EPHA5: variants seen among roughly 807,000 people sequenced by gnomAD.
EPHA5 encodes the protein ephrin type-A receptor 5.
In EPHA5, 60 loss-of-function variants were observed where a neutral mutation model predicts 105.0. The ratio of observed to expected loss-of-function variants is 0.57; its 90% CI spans 0.46 to 0.71. EPHA5 has a LOEUF of 0.71. Among genes scored for constraint, EPHA5 ranks in the 30% least tolerant of loss-of-function variants. The pLI is 0.00. For synonymous variants in EPHA5, 513 were observed against 449.1 expected (o/e 1.14, Z -1.80); for missense variants, 1,218 against 1,274.7 (o/e 0.96, Z 0.68).
chr4:65,361,038 T>A (rs1161338172), intron 11 of EPHA5, among the ~76,000 whole-genome samples: 2 of 151,664 alleles, frequency 1.3e-5, no homozygotes, highest in Admixed American at 6.6e-5. Context: ...ATTCAACACA[T>A]ATATAAAGTG....
intron 2 of EPHA5, among the ~76,000 whole-genome samples, chr4:65,638,090 C>G (rs967703586): frequency 6.6e-6 from 1 of 152,092 alleles, no homozygotes; most frequent in South Asian, 2.1e-4. Context: ...TAAACATATC[C>G]ATTCTTAAGG....
chr4:65,484,234 T>G (rs908066110), intron 5 of EPHA5, among the ~76,000 whole-genome samples: 3 of 152,182 alleles, frequency 2.0e-5, no homozygotes, highest in African/African-American at 4.8e-5. Context: ...TTCACCATAT[T>G]GTTCTAATGG....
At chr4:65,431,914 T>C (rs1334734558) in intron 5 of EPHA5, among the ~76,000 whole-genome samples, 1 of 151,836 alleles carries the variant, frequency 6.6e-6, no homozygotes, top group Admixed American at 6.6e-5. Flanking sequence ...ATCCAATCCA[T>C]CAAGAAGCCA....
intron 2 of EPHA5, among the ~76,000 whole-genome samples, chr4:65,619,104 C>T (rs867834048): frequency 2.0e-5 from 3 of 151,918 alleles, no homozygotes; most frequent in African/African-American, 7.3e-5. Flanking sequence ...GCAGAGATCG[C>T]GGCACTGCAC....
chr4:65,472,198 A>C (rs904630683), intron 5 of EPHA5, among the ~76,000 whole-genome samples: 4 of 152,134 alleles, frequency 2.6e-5, no homozygotes, highest in Non-Finnish European at 5.9e-5. Context: ...TCAAATCTTA[A>C]AGCTACAAAA....
chr4:65,610,737 C>T (rs1025948394), intron 2 of EPHA5, among the ~76,000 whole-genome samples: 10 of 151,954 alleles, frequency 6.6e-5, no homozygotes, highest in Admixed American at 2.0e-4. Flanking sequence ...AAAAGCAACC[C>T]TATTGTATAG....
chr4:65,574,735 T>TACACAC (rs1560718322), intron 3 of EPHA5, among the ~76,000 whole-genome samples: 50 of 102,262 alleles, frequency 4.9e-4, no homozygotes, highest in Middle Eastern at 6.1e-3. Flanking sequence ...TATATACATA[T>TACACAC]ATATATACAT....
At position 65,560,950 on chromosome 4, in the gene EPHA5, A is replaced by G. The variant is rs150083538; in HGVS notation, c.910+40691T>C. On this transcript the variant is annotated intron_variant, in intron 3 of 16. Transcript: ENST00000613740. ...CTTTTTGAGGATCCTCTGTCCATCC[A>G]TGTTGAGTCTTTAAATCACTAATTC... Among the ~76,000 whole-genome samples the G allele has an allele frequency of 5.9e-5, 9 of 152,168 alleles. No homozygotes were observed. In the East Asian group the frequency reaches 1.5e-3, roughly 26 times the overall value.
chr4:65,650,922 A>G (rs910494614), intron 1 of EPHA5, among the ~76,000 whole-genome samples: 3 of 152,116 alleles, frequency 2.0e-5, no homozygotes, highest in Non-Finnish European at 2.9e-5. Context: ...AAGTCCTTCC[A>G]GGGTTTTTCT....
At chr4:65,414,263 A>G in intron 7 of EPHA5, 21 bp downstream of exon 7, 1 of 1,608,838 alleles carries the variant, frequency 6.2e-7, no homozygotes, top group Non-Finnish European at 8.5e-7. Context: ...ACATGAGCTG[A>G]CAGTAATTAA....
chr4:65,525,500 C>A (rs1470508990), intron 3 of EPHA5, among the ~76,000 whole-genome samples: 1 of 151,796 alleles, frequency 6.6e-6, no homozygotes, highest in Non-Finnish European at 1.5e-5. Flanking sequence ...TCTCTTCCTG[C>A]TCTTAAATTG....
chr4:65,463,955 T>G (rs1728362903), intron 5 of EPHA5, among the ~76,000 whole-genome samples: 1 of 151,980 alleles, frequency 6.6e-6, no homozygotes, highest in Non-Finnish European at 1.5e-5. Context: ...TCTAAAAATT[T>G]TATTTTCAAT....
chr4:65,402,414 A>G (rs1486171773), intron 8 of EPHA5, among the ~76,000 whole-genome samples: 4 of 152,168 alleles, frequency 2.6e-5, no homozygotes. Context: ...TCTTTCAAAC[A>G]TTTTATCTAA....
intron 5 of EPHA5, among the ~76,000 whole-genome samples, chr4:65,468,387 T>C (rs1025466369): frequency 3.3e-5 from 5 of 150,748 alleles, no homozygotes; most frequent in Non-Finnish European, 1.5e-5. Flanking sequence ...GGCAGAACTT[T>C]GAGTAATAGA....
intron 3 of EPHA5, among the ~76,000 whole-genome samples, chr4:65,539,156 T>A (rs1315411129): frequency 6.6e-6 from 1 of 151,476 alleles, no homozygotes; most frequent in Non-Finnish European, 1.5e-5. Flanking sequence ...TATAATAAAA[T>A]GGGGAAAAAA....
chr4:65,402,750 C>A (rs1373778196), intron 8 of EPHA5, among the ~76,000 whole-genome samples: 1 of 152,178 alleles, frequency 6.6e-6, no homozygotes, highest in African/African-American at 2.4e-5. Flanking sequence ...TACAAACCAG[C>A]TCCACAAAGT....
At chr4:65,452,182 C>T (rs958748069) in intron 5 of EPHA5, among the ~76,000 whole-genome samples, 1 of 152,060 alleles carries the variant, frequency 6.6e-6, no homozygotes, top group African/African-American at 2.4e-5. Context: ...ATTGATCATG[C>T]CTGTACATTT....
intron 9 of EPHA5, 69 bp downstream of exon 9, chr4:65,367,287 GA>G (rs1718003381): frequency 1.5e-6 from 2 of 1,326,362 alleles, no homozygotes; most frequent in Non-Finnish European, 2.1e-6. Context: ...CTTGTAGCCT[GA>G]AAAGAAACTT....
chr4:65,569,000 G>A (rs899343484), intron 3 of EPHA5, among the ~76,000 whole-genome samples: 1 of 150,782 alleles, frequency 6.6e-6, no homozygotes, highest in African/African-American at 2.4e-5. Context: ...CAGAGAAAAT[G>A]CTTAAATGAT....
Sources: allele counts gnomAD v4.1 joint callset (sites outside exome capture counted in the v4.1 genomes callset), GRCh38; gene constraint gnomAD v4.1.1; transcripts MANE v1.5; gene names NCBI Gene and HGNC (gene_info 2026-07-23, HGNC 2026-07-21).